Variants in NUP155 observed in about 807,000 individuals in gnomAD.
NUP155 encodes nucleoporin 155.
In NUP155, 71 loss-of-function variants were observed where a neutral mutation model predicts 180.4. The observed-to-expected ratio is 0.39, with a 90% CI of 0.33 to 0.48. NUP155 has a LOEUF of 0.48. Among genes scored for constraint, NUP155 ranks in the 20% least tolerant of loss-of-function variants. The pLI is 0.91. For synonymous variants in NUP155, 582 were observed against 559.5 expected, an observed-to-expected ratio of 1.04 and a Z score of -0.57; for missense variants, 1,553 against 1,648.9, an observed-to-expected ratio of 0.94 and a Z score of 1.01.
At chr5:37,298,792 A>G (rs1372279051) in intron 32 of NUP155, 76 bp downstream of exon 32, 1 of 806,688 alleles carries the variant, frequency 1.2e-6, no homozygotes, top group African/African-American at 1.7e-5. Context: ...TACTCGAAAG[A>G]TCGTTATTTG....
At chr5:37,326,318 T>C (rs762849165) in intron 18 of NUP155, among the ~76,000 whole-genome samples, 7 of 152,192 alleles carry the variant, frequency 4.6e-5, no homozygotes, top group Non-Finnish European at 1.0e-4. Flanking sequence ...TTAGGCATGA[T>C]AGCTAACTAA....
intron 24 of NUP155, 76 bp from the exon 25 acceptor site, chr5:37,307,508 A>G: frequency 7.4e-7 from 1 of 1,360,368 alleles, no homozygotes; most frequent in South Asian, 1.2e-5. Context: ...TGGCACATGA[A>G]AATAATGATC....
intron 6 of NUP155, among the ~76,000 whole-genome samples, chr5:37,350,840 A>AG (rs397953114): frequency 4.8e-4 from 71 of 148,978 alleles, no homozygotes; most frequent in Non-Finnish European, 1.6e-4. Flanking sequence ...AAAAAAAAAA[A>AG]GCAATTACGA....
At chr5:37,335,480 C>T (rs1745268899) in intron 12 of NUP155, among the ~76,000 whole-genome samples, 1 of 151,856 alleles carries the variant, frequency 6.6e-6, no homozygotes, top group Non-Finnish European at 1.5e-5. Context: ...GTCCACATGC[C>T]CAATACCTAG....
At chr5:37,363,865 G>A in intron 3 of NUP155, 23 bp downstream of exon 3, 1 of 1,509,444 alleles carries the variant, frequency 6.6e-7, no homozygotes, top group South Asian at 1.1e-5. Flanking sequence ...CACCCTTAAA[G>A]CAAACCAGCC....
intron 4 of NUP155, 135 bp downstream of exon 4, chr5:37,357,946 T>G (rs896419426): frequency 1.5e-6 from 1 of 654,630 alleles, no homozygotes; most frequent in African/African-American, 1.8e-5. Flanking sequence ...TGAGCCAAGA[T>G]TGCGCCACTG....
chr5:37,343,054 T>G (rs1478003151), intron 9 of NUP155, among the ~76,000 whole-genome samples: 1 of 151,846 alleles, frequency 6.6e-6, no homozygotes, highest in African/African-American at 2.4e-5. Flanking sequence ...CGACCACATA[T>G]TTCCATATTT....
At chr5:37,370,514 C>T (rs2111782246) in intron 1 of NUP155, among the ~76,000 whole-genome samples, 1 of 152,340 alleles carries the variant, frequency 6.6e-6, no homozygotes, top group South Asian at 2.1e-4. Context: ...TCTGGAGATG[C>T]TTCTCATATG....
At chr5:37,356,108 A>G (rs1746809432) in intron 4 of NUP155, among the ~76,000 whole-genome samples, 2 of 151,770 alleles carry the variant, frequency 1.3e-5, no homozygotes, top group Admixed American at 1.3e-4. Context: ...GCATGCCTGT[A>G]ATCCCAGCTA....
At chr5:37,335,601 T>C (rs1257624779) in intron 12 of NUP155, among the ~76,000 whole-genome samples, 2 of 152,150 alleles carry the variant, frequency 1.3e-5, no homozygotes, top group African/African-American at 2.4e-5. Flanking sequence ...TAAATACTTT[T>C]GCACATATCT....
At chr5:37,323,917 G>T in intron 20 of NUP155, 75 bp downstream of exon 20, 1 of 1,009,924 alleles carries the variant, frequency 9.9e-7, no homozygotes, top group Non-Finnish European at 1.6e-6. Flanking sequence ...GACCAACTTT[G>T]TAGTATGTAA....
intron 34 of NUP155, 140 bp downstream of exon 34, chr5:37,292,739 T>C (rs1318789757): frequency 1.6e-6 from 1 of 639,128 alleles, no homozygotes; most frequent in African/African-American, 1.8e-5. Context: ...CTATTTTTCA[T>C]ACATGGTGAT....
intron 1 of NUP155, chr5:37,370,620 G>A: frequency 6.8e-7 from 1 of 1,467,312 alleles, no homozygotes; most frequent in Non-Finnish European, 9.0e-7. Flanking sequence ...CTTCACTCTT[G>A]CCCTCTCAAG....
chr5:37,358,107 G>C lies in NUP155; in HGVS notation c.437C>G (p.Ala146Gly). The C allele has an allele frequency of 6.2e-7, 1 of 1,613,142 alleles. No homozygotes were observed. Among genetic ancestry groups the C allele is most frequent in the Admixed American group, 1.7e-5 (1 of 59,996 alleles). The change falls in exon 4 of 35, where the codon GCT (alanine) becomes GGT (glycine). Residue 146 changes from alanine (A) to glycine (G), a missense_variant. Physicochemically the swap from Ala to Gly is moderately conservative, Grantham distance 60. Transcript: ENST00000231498. ...YFDGLSETILAVGLVKPKAGI... is the reference protein window; with the variant it reads ...YFDGLSETILGVGLVKPKAGI... Reference sequence around the variant, plus strand: ...TGCTTTTGGCTTCACAAGCCCCACAGCAAGAATAGTCTCACTAAGTCCATC... The same window carrying C: ...TGCTTTTGGCTTCACAAGCCCCACACCAAGAATAGTCTCACTAAGTCCATC...
At chr5:37,295,948 A>G (rs1742529096) in intron 32 of NUP155, among the ~76,000 whole-genome samples, 1 of 128,806 alleles carries the variant, frequency 7.8e-6, no homozygotes, top group Non-Finnish European at 1.7e-5. Context: ...GGCCGCCCCT[A>G]CTGGGAAGTG....
At chr5:37,346,369 A>G (rs1048034287) in intron 9 of NUP155, among the ~76,000 whole-genome samples, 2 of 152,182 alleles carry the variant, frequency 1.3e-5, no homozygotes, top group African/African-American at 4.8e-5. Flanking sequence ...TGAGGCCTTC[A>G]TTATAAAAAG....
chr5:37,359,722 A>C (rs987148741), intron 3 of NUP155, among the ~76,000 whole-genome samples: 5 of 152,166 alleles, frequency 3.3e-5, no homozygotes, highest in African/African-American at 4.8e-5. Flanking sequence ...AAGAAAAAAA[A>C]CCCCAGTGTC....
intron 3 of NUP155, among the ~76,000 whole-genome samples, chr5:37,363,584 G>A (rs996011871): frequency 1.3e-5 from 2 of 152,126 alleles, no homozygotes; most frequent in African/African-American, 4.8e-5. Context: ...TCAATGAATT[G>A]CCAACATCTA....
intron 25 of NUP155, among the ~76,000 whole-genome samples, chr5:37,306,801 A>G (rs1743182538): frequency 6.6e-6 from 1 of 152,084 alleles, no homozygotes; most frequent in Non-Finnish European, 1.5e-5. Flanking sequence ...CCTTTTTAAC[A>G]GTCTCAACAA....
Sources: gnomAD v4.1 joint callset for allele counts (sites outside exome capture counted in the v4.1 genomes callset) on GRCh38, gnomAD v4.1.1 for gene constraint, MANE v1.5 for transcripts, NCBI Gene and HGNC (gene_info 2026-07-23, HGNC 2026-07-21) for gene names.